The following LUZP2 variants were observed in gnomAD, a reference collection of about 807,000 sequenced individuals.
LUZP2 encodes leucine zipper protein 2.
Under a neutral mutation model 51.6 loss-of-function variants are expected in LUZP2, and 52 were observed. The observed-to-expected ratio is 1.01, with a 90% CI of 0.81 to 1.27. LUZP2 has a LOEUF of 1.27. Ranked by LOEUF, LUZP2 falls within the 50% of genes most tolerant of loss-of-function variation. The pLI, the probability that LUZP2 is intolerant of heterozygous loss-of-function variation, is 0.00. For missense variants in LUZP2, 436 were observed against 395.4 expected (o/e 1.10, Z -0.87); for synonymous variants, 154 against 137.3 (o/e 1.12, Z -0.85).
At chr11:24,828,607 T>C (rs1850610657) in intron 5 of LUZP2, among the ~76,000 whole-genome samples, 1 of 151,314 alleles carries the variant, frequency 6.6e-6, no homozygotes, top group Non-Finnish European at 1.5e-5. Context: ...TATTGTTCAG[T>C]GGATTTTTTT....
chr11:24,960,490 GAGGAATTTATCCATTTCTTCTAGAT>G (rs1279340104), intron 7 of LUZP2, among the ~76,000 whole-genome samples: 1 of 135,066 alleles, frequency 7.4e-6, no homozygotes, highest in African/African-American at 2.7e-5. Context: ...AGAGTGTGTT[GAGGAATTTATCCATTTCTTCTAGAT>G]TTTCTAGTTT....
At chr11:25,016,939 T>G (rs929243991) in intron 9 of LUZP2, among the ~76,000 whole-genome samples, 6 of 152,132 alleles carry the variant, frequency 3.9e-5, no homozygotes, top group African/African-American at 1.4e-4. Context: ...GACATCATTT[T>G]TTTTTTACTT....
At chr11:24,869,155 A>G (rs1283916835) in intron 5 of LUZP2, among the ~76,000 whole-genome samples, 1 of 152,138 alleles carries the variant, frequency 6.6e-6, no homozygotes, top group Non-Finnish European at 1.5e-5. Flanking sequence ...TGCTTGATAC[A>G]TACCATCAAA....
At chr11:24,998,411 G>C (rs1054917099) in intron 9 of LUZP2, among the ~76,000 whole-genome samples, 3 of 152,094 alleles carry the variant, frequency 2.0e-5, no homozygotes, top group South Asian at 4.2e-4. Flanking sequence ...TCATGATTTG[G>C]CTCTCTGTTT....
intron 1 of LUZP2, among the ~76,000 whole-genome samples, chr11:24,671,973 A>G (rs1856414696): frequency 6.6e-6 from 1 of 152,078 alleles, no homozygotes; most frequent in African/African-American, 2.4e-5. Flanking sequence ...CCATGCATAG[A>G]GCTTATTAAT....
At chr11:24,808,907 A>G (rs1188715713) in intron 5 of LUZP2, among the ~76,000 whole-genome samples, 1 of 152,210 alleles carries the variant, frequency 6.6e-6, no homozygotes, top group Non-Finnish European at 1.5e-5. Context: ...TAAAATATAA[A>G]AACCAATAGT....
intron 5 of LUZP2, among the ~76,000 whole-genome samples, chr11:24,846,596 T>A (rs1208692598): frequency 6.6e-6 from 1 of 152,240 alleles, no homozygotes; most frequent in African/African-American, 2.4e-5. Context: ...TTAAAGAGAA[T>A]GAATCTGTAA....
intron 7 of LUZP2, among the ~76,000 whole-genome samples, chr11:24,923,621 C>T (rs1488636570): frequency 2.6e-5 from 4 of 151,994 alleles, no homozygotes; most frequent in South Asian, 2.1e-4. Context: ...CACTTGAATC[C>T]GGGAGGCAGA....
chr11:24,637,879 G>A (rs1332224550), intron 1 of LUZP2, among the ~76,000 whole-genome samples: 2 of 151,862 alleles, frequency 1.3e-5, no homozygotes, highest in Non-Finnish European at 2.9e-5. Context: ...TGAAGCATGT[G>A]ATCCCTGTGA....
At chr11:24,505,362 C>T (rs768042169) in intron 1 of LUZP2, among the ~76,000 whole-genome samples, 1 of 152,054 alleles carries the variant, frequency 6.6e-6, no homozygotes, top group Non-Finnish European at 1.5e-5. Flanking sequence ...AATCCAAGCT[C>T]AAACGGAGAC....
At chr11:24,672,617 T>G (rs544625157) in intron 1 of LUZP2, among the ~76,000 whole-genome samples, 1 of 152,330 alleles carries the variant, frequency 6.6e-6, no homozygotes. Flanking sequence ...CATTGAAATA[T>G]GGTCATGCAT....
chr11:24,732,223 C>T (rs763705399), intron 3 of LUZP2, 35 bp downstream of exon 3: 8 of 1,483,048 alleles, frequency 5.4e-6, no homozygotes, highest in Middle Eastern at 1.8e-4. Context: ...TTATTTCTGC[C>T]ATAGTGTCAA....
At chr11:24,527,198 T>C (rs979059943) in intron 1 of LUZP2, among the ~76,000 whole-genome samples, 2 of 151,328 alleles carry the variant, frequency 1.3e-5, no homozygotes, top group African/African-American at 4.8e-5. Flanking sequence ...TTATTTTTTG[T>C]TCCTCTCTCA....
In LUZP2 at chr11:24,524,205, AT is replaced by A. The variant is rs556263691; in HGVS notation, c.62+26907del. Among the ~76,000 whole-genome samples, 659 of 151,926 alleles carry A rather than the reference AT, an allele frequency of 4.3e-3. 7 individuals are homozygous for A. The highest frequency in any genetic ancestry group is 0.015 in the African/African-American group (613 of 41,544). On this transcript the variant is annotated intron_variant, in intron 1 of 11. Transcript: ENST00000336930. ...ATTACAGAAAATAACGTATTAAAAT[AT>A]TTTTTTAATAAAACAGTTTTTATTG...
chr11:24,655,630 G>C (rs1855776126), intron 1 of LUZP2, among the ~76,000 whole-genome samples: 1 of 152,152 alleles, frequency 6.6e-6, no homozygotes, highest in South Asian at 2.1e-4. Context: ...TTAATACCTT[G>C]CTGAGTTTAT....
chr11:24,597,960 G>A (rs556571194), intron 1 of LUZP2, among the ~76,000 whole-genome samples: 17 of 152,200 alleles, frequency 1.1e-4, no homozygotes, highest in African/African-American at 3.9e-4. Context: ...AATTAGCCGG[G>A]TGTGATGGCA....
chr11:25,049,797 A>G (rs1858434270), intron 9 of LUZP2, among the ~76,000 whole-genome samples: 1 of 152,098 alleles, frequency 6.6e-6, no homozygotes, highest in African/African-American at 2.4e-5. Flanking sequence ...ATCCCAATGG[A>G]CATCACTAAT....
intron 5 of LUZP2, among the ~76,000 whole-genome samples, chr11:24,878,898 C>G (rs2134287070): frequency 6.6e-6 from 1 of 152,098 alleles, no homozygotes; most frequent in Admixed American, 6.6e-5. Flanking sequence ...GTGGTAGTCG[C>G]TGAGGATGAT....
At chr11:24,658,566 T>C (rs1855901041) in intron 1 of LUZP2, among the ~76,000 whole-genome samples, 1 of 152,080 alleles carries the variant, frequency 6.6e-6, no homozygotes, top group Non-Finnish European at 1.5e-5. Flanking sequence ...AAAGCCAAAA[T>C]TGACAAATGG....
Sources: allele counts gnomAD v4.1 joint callset (sites outside exome capture counted in the v4.1 genomes callset), GRCh38; gene constraint gnomAD v4.1.1; transcripts MANE v1.5; gene names NCBI Gene and HGNC (gene_info 2026-07-23, HGNC 2026-07-21).